The following QTRT2 variants were observed in gnomAD, a reference collection of about 807,000 sequenced individuals.
The protein encoded by QTRT2 is queuine tRNA-ribosyltransferase domain containing 1.
QTRT2 carries 32 observed loss-of-function variants against 44.8 expected under a neutral mutation model. The ratio of observed to expected loss-of-function variants is 0.71; its 90% CI spans 0.54 to 0.96. The LOEUF is 0.96. Ranked by LOEUF, QTRT2 falls within the 40% of genes least tolerant of loss-of-function variation. The probability of loss-of-function intolerance (pLI) is 0.00; values close to 1 mark genes in which losing one functional copy is unlikely to be tolerated. For synonymous variants in QTRT2, 182 were observed against 187.4 expected (o/e 0.97, Z 0.24); for missense variants, 461 against 503.1 (o/e 0.92, Z 0.80).
rs1577560179 is a variant in QTRT2, at chr3:114,087,770, C to T, written c.*1866C>T. Reference sequence around the variant, plus strand: ...ACAGAAGGTGAAGGGGGAGCAGGCACATCACATGACAAAAGCAGGAACAAG... The same window carrying T: ...ACAGAAGGTGAAGGGGGAGCAGGCATATCACATGACAAAAGCAGGAACAAG... On this transcript the variant is annotated 3_prime_UTR_variant, in exon 10 of 10. Coordinates refer to ENST00000281273, the MANE Select transcript of QTRT2 (RefSeq NM_024638.4). The T allele has an allele frequency of 6.6e-6, 1 of 152,398 alleles. No individual in the cohort carries two copies. The highest frequency in any genetic ancestry group is 1.5e-5 in the Non-Finnish European group (1 of 68,192). The allele number at this position is 152,398 out of a possible 1,614,324, so 9.4% of individuals were successfully genotyped here. A position where few individuals can be genotyped will look rare whatever the true frequency, so the allele number is the denominator to read the frequency against.
At chr3:114,061,374 A>G (rs1222428354) in intron 2 of QTRT2, among the ~76,000 whole-genome samples, 3 of 152,114 alleles carry the variant, frequency 2.0e-5, no homozygotes, top group African/African-American at 7.2e-5. Flanking sequence ...TGCTGGGTAT[A>G]TAGAAAAGAT....
chr3:114,056,997 A>G lies in QTRT2; in HGVS notation c.-129-2A>G. ...CCATGTCTCCTCTGCTTCCCTTTTC[A>G]GGGTGTCCTGGTGGATTGGTTTCTG... On this transcript the variant is annotated splice_acceptor_variant, in intron 1 of 9. Transcript: ENST00000281273. LOFTEE classifies it low-confidence loss of function (5UTR_SPLICE). The G allele has an allele frequency of 6.9e-7, 1 of 1,440,670 alleles. No individual in the cohort carries two copies. The highest frequency in any genetic ancestry group is 9.1e-7 in the Non-Finnish European group (1 of 1,101,746). 89.2% of individuals were successfully genotyped at this position (1,440,670 alleles called of 1,614,324 possible). A position where few individuals can be genotyped will look rare whatever the true frequency, so the allele number is the denominator to read the frequency against.
At chr3:114,078,134 C>T (rs892723120) in intron 7 of QTRT2, 6 of 152,234 alleles carry the variant, frequency 3.9e-5, no homozygotes, top group African/African-American at 1.4e-4. Flanking sequence ...CTTAGCCAGC[C>T]TTTGATCCCC....
At chr3:114,063,434 A>T (rs1026374229) in intron 2 of QTRT2, among the ~76,000 whole-genome samples, 1 of 152,188 alleles carries the variant, frequency 6.6e-6, no homozygotes, top group Non-Finnish European at 1.5e-5. Flanking sequence ...TTCTTAAATG[A>T]ACCTTCTTGT....
chr3:114,068,490 C>T (rs1315241405), intron 5 of QTRT2, among the ~76,000 whole-genome samples: 1 of 152,122 alleles, frequency 6.6e-6, no homozygotes, highest in Non-Finnish European at 1.5e-5. Flanking sequence ...GCTGGGTCTA[C>T]AGCCAGAGAT....
At position 114,076,830 on chromosome 3, in the gene QTRT2, C is replaced by T. The variant is rs780432885; in HGVS notation, c.634C>T (p.Arg212Trp). ...RLRSARETAK[R>W]PVGGFLLDGF... The stretch of plus-strand genomic sequence containing the variant: ...GAGGTCAGCACGAGAGACAGCCAAG[C>T]GGCCTGTGGGTGGCTTCCTTCTGGA... Residue 212 changes from arginine to tryptophan, a missense_variant, in exon 7 of 10, where the codon CGG (arginine) becomes TGG (tryptophan). Coordinates refer to ENST00000281273, the MANE Select transcript of QTRT2 (RefSeq NM_024638.4). 1.1e-5 allele frequency: 18 copies of T among 1,614,048 alleles called. No homozygotes were observed. Among genetic ancestry groups the T allele is most frequent in the African/African-American group, 1.3e-5 (1 of 74,922 alleles).
intron 2 of QTRT2, 96 bp downstream of exon 2, chr3:114,057,202 TGGAG>T: frequency 1.1e-5 from 5 of 435,566 alleles, no homozygotes; most frequent in Non-Finnish European, 1.7e-5. Context: ...TCTGGGGCCA[TGGAG>T]ATGGCCCATG....
chr3:114,065,214 ACTTAATG>A lies in QTRT2; in HGVS notation c.-21-20_-21-14del, dbSNP rs773371954. ...CTAGGTGTTGTGAAGCTCCTTCTAT[ACTTAATG>A]CTCTTTTCTTGACAGGACCTAGAAG... On this transcript the variant is annotated splice_polypyrimidine_tract_variant and intron_variant, in intron 2 of 9. Coordinates refer to ENST00000281273, the MANE Select transcript of QTRT2 (RefSeq NM_024638.4). 2.5e-6 allele frequency: 4 copies of A among 1,574,614 alleles called. No individual in the cohort carries two copies. The highest frequency in any genetic ancestry group is 3.5e-6 in the Non-Finnish European group (4 of 1,148,184).
At chr3:114,079,785 C>A in intron 7 of QTRT2, 121 bp from the exon 8 acceptor site, 2 of 933,740 alleles carry the variant, frequency 2.1e-6, no homozygotes, top group Non-Finnish European at 3.3e-6. Flanking sequence ...GCCTGCCACT[C>A]TAACCATGAT....
At position 114,088,174 on chromosome 3, in the gene QTRT2, G is replaced by C. The variant is rs573377858; in HGVS notation, c.*2270G>C. The C allele has an allele frequency of 6.6e-6, 1 of 152,278 alleles. No homozygotes were observed. The highest frequency in any genetic ancestry group is 2.4e-5 in the African/African-American group (1 of 41,558). The allele number at this position is 152,278 out of a possible 1,614,324, so 9.4% of individuals were successfully genotyped here. ...TAGGGGAGTAGTGGTAAATATTCCA[G>C]AATCCATATGAAATTCATGAGTTTA... On this transcript the variant is annotated 3_prime_UTR_variant, in exon 10 of 10. Coordinates refer to ENST00000281273, the MANE Select transcript of QTRT2 (RefSeq NM_024638.4).
chr3:114,085,545 G>A (rs62267100), intron 9 of QTRT2, 128 bp from the exon 10 acceptor site: 27 of 807,784 alleles, frequency 3.3e-5, no homozygotes, highest in Non-Finnish European at 5.6e-5. Context: ...TTAAGCAGGT[G>A]CACAGCACTG....
At position 114,085,636 on chromosome 3, in the gene QTRT2, C is replaced by T. The variant is rs368216484; in HGVS notation, c.1017-37C>T. 6 of 1,549,594 alleles carry T rather than the reference C, an allele frequency of 3.9e-6. No homozygotes were observed. The African/African-American group carries it at 4.1e-5, about 11-fold the overall frequency. On this transcript the variant is annotated intron_variant, in intron 9 of 9. Coordinates refer to ENST00000281273, the MANE Select transcript of QTRT2 (RefSeq NM_024638.4). The stretch of plus-strand genomic sequence containing the variant: ...CTGAGGTTGTGGATTTCTTGTATTC[C>T]GTACTTTCTGGAATGTCACTGTGAC...
At chr3:114,082,204 C>CCACACACACACACACACACACACA (rs71146306) in intron 8 of QTRT2, among the ~76,000 whole-genome samples, 5 of 138,866 alleles carry the variant, frequency 3.6e-5, no homozygotes, top group East Asian at 2.1e-4. Flanking sequence ...GATAACCCCA[C>CCACACACACACACACACACACACA]CACACACACA....
chr3:114,075,634 G>T (rs1355796281), intron 6 of QTRT2, among the ~76,000 whole-genome samples: 1 of 150,162 alleles, frequency 6.7e-6, no homozygotes, highest in Non-Finnish European at 1.5e-5. Context: ...TCAGCCTCCC[G>T]AGTAACTGGG....
chr3:114,074,035 A>T (rs951261900), intron 6 of QTRT2, among the ~76,000 whole-genome samples: 4 of 152,150 alleles, frequency 2.6e-5, no homozygotes, highest in African/African-American at 4.8e-5. Context: ...GGGATGGCGA[A>T]TGGTTTCAAC....
At chr3:114,068,155 G>A in intron 5 of QTRT2, 92 bp downstream of exon 5, 2 of 1,008,256 alleles carry the variant, frequency 2.0e-6, no homozygotes, top group Non-Finnish European at 3.2e-6. Flanking sequence ...CCACTGTCTG[G>A]GATGATCCCT....
intron 5 of QTRT2, among the ~76,000 whole-genome samples, chr3:114,070,095 G>A (rs574744874): frequency 1.1e-4 from 16 of 152,186 alleles, no homozygotes; most frequent in Admixed American, 9.8e-4. Flanking sequence ...TGTGAACTCA[G>A]TGTCTCAATG....
intron 6 of QTRT2, among the ~76,000 whole-genome samples, chr3:114,075,504 ATTT>A (rs34436490): frequency 6.7e-5 from 8 of 118,708 alleles, no homozygotes; most frequent in African/African-American, 2.0e-4. Flanking sequence ...AGTTTTACTG[ATTT>A]TTTTTTTTTT....
intron 5 of QTRT2, among the ~76,000 whole-genome samples, chr3:114,069,103 GGA>G (rs2076991765): frequency 6.6e-6 from 1 of 152,128 alleles, no homozygotes; most frequent in Non-Finnish European, 1.5e-5. Context: ...AAATTGTAAG[GGA>G]GAGAGGAATC....
Sources: gnomAD v4.1 joint callset for allele counts (sites outside exome capture counted in the v4.1 genomes callset) on GRCh38, gnomAD v4.1.1 for gene constraint, MANE v1.5 for transcripts, NCBI Gene and HGNC (gene_info 2026-07-23, HGNC 2026-07-21) for gene names.